The following ABCC12 variants were observed in gnomAD, a reference collection of about 807,000 sequenced individuals.
ABCC12 encodes the protein ATP-binding cassette sub-family C member 12.
A neutral mutation model predicts 151.1 loss-of-function variants in ABCC12; 142 were observed. The ratio of observed to expected loss-of-function variants is 0.94; its 90% CI spans 0.82 to 1.08. The LOEUF (loss-of-function observed/expected upper bound fraction) is 1.08, where lower values mean the gene tolerates loss of function less well. Among genes scored for constraint, ABCC12 ranks in the 50% least tolerant of loss-of-function variants. The pLI is 0.00. For missense variants in ABCC12, 1,638 were observed against 1,691.1 expected, an observed-to-expected ratio of 0.97 and a Z score of 0.55; for synonymous variants, 645 against 646.4, an observed-to-expected ratio of 1.00 and a Z score of 0.03.
At chr16:48,101,462 G>A (rs998386136) in intron 22 of ABCC12, among the ~76,000 whole-genome samples, 4 of 152,090 alleles carry the variant, frequency 2.6e-5, no homozygotes, top group South Asian at 2.1e-4. Flanking sequence ...TTGAATGAAC[G>A]TCATTATAGC....
At chr16:48,146,526 G>A in intron 2 of ABCC12, 52 bp from the exon 3 acceptor site, 1 of 918,642 alleles carries the variant, frequency 1.1e-6, no homozygotes, top group Non-Finnish European at 1.7e-6. Context: ...GTCTGATTGG[G>A]ATCAGGCAGC....
rs896339965 is a variant in ABCC12 at position 48,111,802 on chromosome 16, G to C, written c.2098C>G (p.His700Asp). The change falls in exon 16 of 31, where the codon CAC (histidine) becomes GAC (aspartate). Residue 700 changes from histidine (H) to aspartate (D), a missense_variant. By Grantham distance (81) the His-to-Asp change is moderately conservative (BLOSUM62 -1). Transcript: ENST00000311303. ...EERGRYAKLI[H>D]NLRGLQFKDP... The stretch of plus-strand genomic sequence containing the variant: ...TTGAACTGCAATCCTCGCAGGTTGT[G>C]AATCAGTTTTGCATAGCGCCCTCTC... 1 of 1,614,044 alleles carries C rather than the reference G, an allele frequency of 6.2e-7. No individual in the cohort carries two copies. The highest frequency in any genetic ancestry group is 8.5e-7 in the Non-Finnish European group (1 of 1,180,028).
At chr16:48,094,509 G>A (rs1232146011) in intron 24 of ABCC12, among the ~76,000 whole-genome samples, 2 of 152,130 alleles carry the variant, frequency 1.3e-5, no homozygotes, top group African/African-American at 2.4e-5. Flanking sequence ...CCACAAAGAG[G>A]CTGGCTGATA....
rs536071744 is a variant in ABCC12 at position 48,146,246 on chromosome 16, C to A, written c.119+60G>T. 1.1e-4 allele frequency: 162 copies of A among 1,516,746 alleles called. No individual in the cohort carries two copies. The African/African-American group carries it at 1.6e-3, about 15-fold the overall frequency. 94.0% of individuals were successfully genotyped at this position (1,516,746 alleles called of 1,614,324 possible). A position where few individuals can be genotyped will look rare whatever the true frequency, so the allele number is the denominator to read the frequency against. ...GGTTGCAGGAGCAGTGCCCACTCTC[C>A]TGATGGACATTCCTGGAGGTCCTGC... On this transcript the variant is annotated intron_variant, in intron 3 of 30. Transcript: ENST00000311303.
chr16:48,137,862 C>T (rs1365699902), intron 8 of ABCC12, among the ~76,000 whole-genome samples: 1 of 152,204 alleles, frequency 6.6e-6, no homozygotes, highest in Non-Finnish European at 1.5e-5. Context: ...CTGTGTAACC[C>T]TGGATGTGTG....
Position 48,130,909 on chromosome 16 carries a change from G to A in ABCC12, c.1129-14C>T. On this transcript the variant is annotated splice_polypyrimidine_tract_variant and intron_variant, in intron 9 of 30. Transcript: ENST00000311303. Reference sequence around the variant, plus strand: ...CACACTAAATGCCTGAAGAACAAAAGAGAAGTATGAGGGTTTAGAAGGAGA... The same window carrying A: ...CACACTAAATGCCTGAAGAACAAAAAAGAAGTATGAGGGTTTAGAAGGAGA... The A allele has an allele frequency of 6.3e-7, 1 of 1,577,200 alleles. No homozygotes were observed. Among genetic ancestry groups the A allele is most frequent in the Non-Finnish European group, 8.7e-7 (1 of 1,148,478 alleles).
chr16:48,102,542 C>T (rs756148003), intron 22 of ABCC12, among the ~76,000 whole-genome samples: 9 of 152,172 alleles, frequency 5.9e-5, no homozygotes, highest in Non-Finnish European at 1.3e-4. Context: ...CTAACAATTT[C>T]GCTTCCTCAG....
In ABCC12 at chr16:48,122,118, G is replaced by T. The variant is rs1480388709; in HGVS notation, c.1588-278C>A. Among the ~76,000 whole-genome samples, 4 of 152,258 alleles carry T rather than the reference G, an allele frequency of 2.6e-5. 1 individual carries two copies. On this transcript the variant is annotated intron_variant, in intron 12 of 30. Coordinates refer to ENST00000311303, the MANE Select transcript of ABCC12 (RefSeq NM_001393797.1). ...AGCTTGGACTGCAGGGCTGCTCCCAGTGCACATGGCACCTGGGCCCAACTA... is the reference window on the plus strand; with the variant it reads ...AGCTTGGACTGCAGGGCTGCTCCCATTGCACATGGCACCTGGGCCCAACTA...
intron 18 of ABCC12, among the ~76,000 whole-genome samples, chr16:48,110,853 C>T (rs915585616): frequency 6.6e-6 from 1 of 152,242 alleles, no homozygotes; most frequent in East Asian, 1.9e-4. Flanking sequence ...CTCCAGACCA[C>T]AAGATCCTGA....
intron 15 of ABCC12, among the ~76,000 whole-genome samples, chr16:48,114,077 A>G (rs902955349): frequency 2.0e-5 from 3 of 152,176 alleles, no homozygotes; most frequent in African/African-American, 4.8e-5. Flanking sequence ...CCTAACTCAG[A>G]AGAAGAACTA....
At chr16:48,127,421 A>G (rs1472547522) in intron 11 of ABCC12, among the ~76,000 whole-genome samples, 3 of 152,270 alleles carry the variant, frequency 2.0e-5, no homozygotes, top group Middle Eastern at 3.4e-3. Context: ...TTGAGGGGAG[A>G]GAACAACAAA....
intron 23 of ABCC12, among the ~76,000 whole-genome samples, chr16:48,099,275 G>A (rs1963219448): frequency 6.6e-6 from 1 of 151,876 alleles, no homozygotes; most frequent in African/African-American, 2.4e-5. Context: ...AAAATTAGCT[G>A]GGCCCCAGTT....
In ABCC12 at chr16:48,104,111, G is replaced by A. The variant is rs371707931; in HGVS notation, c.2900+31C>T. Reference sequence around the variant, plus strand: ...TACCCAGTCAGTGTGTGTGTGTATCGTTTTCTCGTGTAAATAGCACATGGG... The same window carrying A: ...TACCCAGTCAGTGTGTGTGTGTATCATTTTCTCGTGTAAATAGCACATGGG... On this transcript the variant is annotated intron_variant, in intron 22 of 30. Transcript: ENST00000311303. The A allele has an allele frequency of 8.9e-5, 142 of 1,599,570 alleles. 1 individual carries two copies. Among genetic ancestry groups the A allele is most frequent in the Admixed American group, 1.5e-4 (9 of 59,286 alleles).
At chr16:48,113,936 C>T (rs940062103) in intron 15 of ABCC12, among the ~76,000 whole-genome samples, 3 of 152,176 alleles carry the variant, frequency 2.0e-5, no homozygotes, top group Non-Finnish European at 4.4e-5. Flanking sequence ...GGACAGCCCT[C>T]CCTGCTGCAG....
At chr16:48,112,007 G>A (rs1963712632) in intron 15 of ABCC12, 97 bp from the exon 16 acceptor site, 1 of 1,447,190 alleles carries the variant, frequency 6.9e-7, no homozygotes, top group African/African-American at 1.4e-5. Context: ...GACTTTAGGG[G>A]CCAGATCATT....
chr16:48,121,505 C>T (rs1037480727), intron 13 of ABCC12: 42 of 546,828 alleles, frequency 7.7e-5, no homozygotes, highest in Admixed American at 3.1e-4. Flanking sequence ...TATCCTCTTC[C>T]CAGTGTGCAG....
intron 29 of ABCC12, among the ~76,000 whole-genome samples, chr16:48,085,019 G>T (rs969947967): frequency 3.9e-5 from 6 of 152,110 alleles, no homozygotes; most frequent in Middle Eastern, 6.8e-3. Flanking sequence ...TTAGCAGCAT[G>T]CAGTGCCACG....
chr16:48,091,177 C>G lies in ABCC12; in HGVS notation c.3228G>C (p.Thr1076=), dbSNP rs993271331. The change falls in exon 25 of 31, where the codon ACG becomes ACC. Residue 1076 remains threonine (T), a synonymous_variant. Coordinates refer to ENST00000311303, the MANE Select transcript of ABCC12 (RefSeq NM_001393797.1). ...TGAATTTGGCTTGCGTCTCTGTTCC[C>G]GTTCGCACACACACTTGGAGCAGTC... is the stretch of plus-strand genomic sequence containing the variant. ...LSGLLQVCVR[T]GTETQAKFTS... is the part of the protein sequence containing the mutation. The G allele has an allele frequency of 1.2e-6, 2 of 1,614,156 alleles. No homozygotes were observed. The highest frequency in any genetic ancestry group is 1.1e-5 in the South Asian group (1 of 91,080).
At chr16:48,095,293 A>C (rs939722114) in intron 24 of ABCC12, among the ~76,000 whole-genome samples, 2 of 152,132 alleles carry the variant, frequency 1.3e-5, no homozygotes, top group Non-Finnish European at 2.9e-5. Context: ...GTCTGCCACC[A>C]AGTAAGACGT....
Sources: gnomAD v4.1 joint callset for allele counts (sites outside exome capture counted in the v4.1 genomes callset) on GRCh38, gnomAD v4.1.1 for gene constraint, MANE v1.5 for transcripts, NCBI Gene and HGNC (gene_info 2026-07-23, HGNC 2026-07-21) for gene names.